The following EYA2 variants were observed in gnomAD, a reference collection of about 807,000 sequenced individuals.
EYA2 encodes the protein protein phosphatase EYA2.
Under a neutral mutation model 69.2 loss-of-function variants are expected in EYA2, and 31 were observed. That is an observed-to-expected ratio of 0.45 (90% CI 0.34 to 0.60). The LOEUF (loss-of-function observed/expected upper bound fraction) is 0.60. Ranked by LOEUF, EYA2 falls within the 20% of genes least tolerant of loss-of-function variation. The pLI, the probability that EYA2 is intolerant of heterozygous loss-of-function variation, is 0.02. For missense variants in EYA2, 622 were observed against 701.2 expected (o/e 0.89, Z 1.28); for synonymous variants, 257 against 279.4 (o/e 0.92, Z 0.80).
chr20:46,959,465 G>A (rs145358474), intron 1 of EYA2, among the ~76,000 whole-genome samples: 410 of 152,306 alleles, frequency 2.7e-3, no homozygotes, highest in Non-Finnish European at 4.8e-3. Context: ...TGTGGCAGGG[G>A]TGTGGAGTGA....
intron 5 of EYA2, among the ~76,000 whole-genome samples, chr20:47,025,649 AT>A (rs1423717722): frequency 3.3e-5 from 5 of 152,132 alleles, no homozygotes; most frequent in Admixed American, 1.3e-4. Context: ...TATGTATATT[AT>A]TTTTTATAAG....
intron 7 of EYA2, among the ~76,000 whole-genome samples, chr20:47,084,770 A>G (rs2031838411): frequency 6.6e-6 from 1 of 152,142 alleles, no homozygotes; most frequent in Non-Finnish European, 1.5e-5. Flanking sequence ...TGGAGCAGCC[A>G]GAACTCTCAT....
intron 4 of EYA2, among the ~76,000 whole-genome samples, chr20:47,014,596 A>C (rs780832556): frequency 6.6e-6 from 1 of 151,166 alleles, no homozygotes; most frequent in Non-Finnish European, 1.5e-5. Context: ...CTGGGAATTT[A>C]CCTAAAAGAT....
intron 5 of EYA2, among the ~76,000 whole-genome samples, chr20:47,045,608 T>G (rs947019): frequency 0.72 from 109,136 of 152,162 alleles, 39,317 homozygotes; most frequent in African/African-American, 0.75. Flanking sequence ...ATTTGTTACC[T>G]TGAAGACGTT....
chr20:46,975,808 G>T (rs191931283), intron 1 of EYA2, among the ~76,000 whole-genome samples: 1 of 152,216 alleles, frequency 6.6e-6, no homozygotes, highest in African/African-American at 2.4e-5. Context: ...CCAGCTACTC[G>T]GGAGGCTGAG....
At chr20:46,919,748 A>G (rs1985094546) in intron 1 of EYA2, among the ~76,000 whole-genome samples, 1 of 152,232 alleles carries the variant, frequency 6.6e-6, no homozygotes, top group Non-Finnish European at 1.5e-5. Context: ...TTGCATTCAC[A>G]ACTTGGCTAA....
At chr20:47,034,452 G>T (rs1984587614) in intron 5 of EYA2, among the ~76,000 whole-genome samples, 1 of 152,178 alleles carries the variant, frequency 6.6e-6, no homozygotes, top group Non-Finnish European at 1.5e-5. Context: ...GTAGAGTCTG[G>T]ATGCAGGAAT....
At chr20:47,127,803 T>C (rs2033236325) in intron 9 of EYA2, among the ~76,000 whole-genome samples, 1 of 152,194 alleles carries the variant, frequency 6.6e-6, no homozygotes, top group Non-Finnish European at 1.5e-5. Context: ...TCAAGCTTCT[T>C]AGAGCAAGGG....
rs192652870 is a variant in EYA2, at chr20:46,957,763, T to C, written c.-10-32238T>C. On this transcript the variant is annotated intron_variant, in intron 1 of 15. Transcript: ENST00000327619. The stretch of plus-strand genomic sequence containing the variant: ...TGGCCCAGCAATACTGAGTTTGGAC[T>C]TCTGTCCTTCAGAACTGCAAGAGGA... Among the ~76,000 whole-genome samples, 14 of 152,312 alleles carry C rather than the reference T, an allele frequency of 9.2e-5. No individual in the cohort carries two copies. The East Asian group carries it at 2.5e-3, about 27-fold the overall frequency.
rs1555806208 is a variant in EYA2 at position 47,166,393 on chromosome 20, T to TTAAAAAAAAAAAAAA, written c.979-2746_979-2745insTAAAAAAAAAAAAAA. ...GCTTGGGTGACAGAGCAAGACTGTC[T>TTAAAAAAAAAAAAAA]AAAAAAAAAAAAAAAAAAAAAAAAA... On this transcript the variant is annotated intron_variant, in intron 10 of 15. Transcript: ENST00000327619. Among the ~76,000 whole-genome samples, 24 of 34,524 alleles carry TTAAAAAAAAAAAAAA rather than the reference T, an allele frequency of 7.0e-4. 3 individuals are homozygous for TTAAAAAAAAAAAAAA. Among genetic ancestry groups the TTAAAAAAAAAAAAAA allele is most frequent in the South Asian group, 1.3e-3 (1 of 786 alleles). 22.6% of individuals were successfully genotyped at this position (34,524 alleles called of 152,430 possible). A position where few individuals can be genotyped will look rare whatever the true frequency, so the allele number is the denominator to read the frequency against.
At chr20:47,139,454 C>G (rs144139279) in intron 9 of EYA2, among the ~76,000 whole-genome samples, 2,621 of 152,134 alleles carry the variant, frequency 0.017, 113 homozygotes, top group East Asian at 0.17. Flanking sequence ...TTTTTTGGTA[C>G]GGAGTTTCAC....
At chr20:47,075,409 T>C (rs1334638265) in intron 7 of EYA2, among the ~76,000 whole-genome samples, 8 of 152,134 alleles carry the variant, frequency 5.3e-5, no homozygotes, top group Non-Finnish European at 1.2e-4. Flanking sequence ...ACAATGAAGA[T>C]GAGAGTGATA....
At chr20:46,937,654 T>G (rs1456163013) in intron 1 of EYA2, among the ~76,000 whole-genome samples, 1 of 148,704 alleles carries the variant, frequency 6.7e-6, no homozygotes, top group Non-Finnish European at 1.5e-5. Context: ...CCTTGATTTT[T>G]TTTTTTTTTT....
chr20:46,904,782 C>G (rs1485825829), intron 1 of EYA2, among the ~76,000 whole-genome samples: 1 of 152,164 alleles, frequency 6.6e-6, no homozygotes, highest in African/African-American at 2.4e-5. Context: ...ATGAGCAAAC[C>G]TAATCTAAGT....
In EYA2 at chr20:47,002,413, G is replaced by T. The variant is rs149060669; in HGVS notation, c.155+940G>T. On this transcript the variant is annotated intron_variant, in intron 3 of 15. Coordinates refer to ENST00000327619, the MANE Select transcript of EYA2 (RefSeq NM_005244.5). ...GTTGTACCCCTCCCTGTGTCCATGT[G>T]TTCTCATTGTTCAGCTCTCACTTGT... Among the ~76,000 whole-genome samples, 320 of 152,134 alleles carry T rather than the reference G, an allele frequency of 2.1e-3. 1 individual carries two copies. Among genetic ancestry groups the T allele is most frequent in the African/African-American group, 7.4e-3 (306 of 41,494 alleles).
intron 14 of EYA2, among the ~76,000 whole-genome samples, chr20:47,182,366 G>A (rs1445676558): frequency 2.7e-5 from 4 of 150,100 alleles, no homozygotes; most frequent in African/African-American, 7.4e-5. Flanking sequence ...GGTGGCTCAC[G>A]CCTGTAATCC....
intron 9 of EYA2, among the ~76,000 whole-genome samples, chr20:47,104,289 T>C (rs915878435): frequency 6.6e-6 from 1 of 152,252 alleles, no homozygotes; most frequent in African/African-American, 2.4e-5. Flanking sequence ...AATTGGTTTG[T>C]CTTTATATCA....
intron 9 of EYA2, among the ~76,000 whole-genome samples, chr20:47,132,626 G>C (rs1253347144): frequency 6.6e-6 from 1 of 152,160 alleles, no homozygotes; most frequent in Non-Finnish European, 1.5e-5. Context: ...TTGAACCTGG[G>C]TCCTGCCAAC....
intron 5 of EYA2, among the ~76,000 whole-genome samples, chr20:47,038,368 A>G (rs1386630606): frequency 2.0e-5 from 3 of 152,120 alleles, no homozygotes; most frequent in East Asian, 1.9e-4. Flanking sequence ...GCATGTACCT[A>G]TAGTCCCAGC....
Sources: gnomAD v4.1 joint callset for allele counts (sites outside exome capture counted in the v4.1 genomes callset) on GRCh38, gnomAD v4.1.1 for gene constraint, MANE v1.5 for transcripts, NCBI Gene and HGNC (gene_info 2026-07-23, HGNC 2026-07-21) for gene names.